Variants in WWOX observed in about 807,000 individuals in gnomAD.
WWOX encodes the protein WW domain containing oxidoreductase.
In WWOX, 69 loss-of-function variants were observed where a neutral mutation model predicts 46.2. The observed-to-expected ratio is 1.49, with a 90% CI of 1.23 to 1.82. The LOEUF is 1.82. Ranked by LOEUF, WWOX falls within the 40% of genes most tolerant of loss-of-function variation. The probability of loss-of-function intolerance (pLI) is 0.00; values close to 1 mark genes in which losing one functional copy is unlikely to be tolerated. For missense variants in WWOX, 919 were observed against 542.6 expected (o/e 1.69, Z -6.89); for synonymous variants, 359 against 202.6 (o/e 1.77, Z -6.56).
chr16:78,172,876 T>C (rs2035208816), intron 5 of WWOX, among the ~76,000 whole-genome samples: 1 of 152,240 alleles, frequency 6.6e-6, no homozygotes, highest in Non-Finnish European at 1.5e-5. Flanking sequence ...CGCCAATGGC[T>C]GAAAGGCCTG....
intron 8 of WWOX, among the ~76,000 whole-genome samples, chr16:78,618,843 C>T (rs369966733): frequency 1.3e-5 from 2 of 151,716 alleles, no homozygotes; most frequent in Non-Finnish European, 2.9e-5. Context: ...CACTCAGACC[C>T]AGCTGACAGG....
chr16:79,103,628 G>C (rs1042409313), intron 8 of WWOX, among the ~76,000 whole-genome samples: 1 of 152,212 alleles, frequency 6.6e-6, no homozygotes, highest in Middle Eastern at 3.4e-3. Context: ...TAATTTTTAA[G>C]ATCTTAACAA....
chr16:78,634,459 G>A (rs1040993387), intron 8 of WWOX, among the ~76,000 whole-genome samples: 10 of 152,142 alleles, frequency 6.6e-5, no homozygotes, highest in African/African-American at 2.2e-4. Context: ...TGTAATCCCA[G>A]CACTTTGGGA....
At chr16:78,254,241 C>T (rs1202921845) in intron 5 of WWOX, among the ~76,000 whole-genome samples, 1 of 151,542 alleles carries the variant, frequency 6.6e-6, no homozygotes, top group African/African-American at 2.4e-5. Flanking sequence ...TTTTTTGAAA[C>T]TATTTGTAGA....
intron 8 of WWOX, among the ~76,000 whole-genome samples, chr16:78,735,513 G>A (rs552735849): frequency 7.9e-5 from 12 of 152,152 alleles, no homozygotes; most frequent in African/African-American, 2.2e-4. Context: ...GACTTATGCC[G>A]ATGTTAACTC....
At chr16:79,195,348 A>G (rs377109243) in intron 8 of WWOX, among the ~76,000 whole-genome samples, 2 of 151,950 alleles carry the variant, frequency 1.3e-5, no homozygotes, top group Admixed American at 6.6e-5. Flanking sequence ...TCCCAAGGAA[A>G]CTCTGAAGCT....
At chr16:78,729,592 T>C (rs1387873870) in intron 8 of WWOX, among the ~76,000 whole-genome samples, 3 of 152,028 alleles carry the variant, frequency 2.0e-5, no homozygotes, top group African/African-American at 7.2e-5. Flanking sequence ...CTGGAAGAGA[T>C]ACTGGAAGAT....
intron 8 of WWOX, among the ~76,000 whole-genome samples, chr16:78,754,779 A>G (rs1294232752): frequency 6.6e-6 from 1 of 152,132 alleles, no homozygotes; most frequent in Non-Finnish European, 1.5e-5. Flanking sequence ...GACAGTGTGA[A>G]TGAGATGACC....
intron 3 of WWOX, among the ~76,000 whole-genome samples, chr16:78,111,247 C>G (rs1173498457): frequency 6.6e-6 from 1 of 151,932 alleles, no homozygotes; most frequent in African/African-American, 2.4e-5. Context: ...CAAACTGTTT[C>G]AGTATAATAA....
At chr16:79,040,274 G>GTTT (rs2047945434) in intron 8 of WWOX, among the ~76,000 whole-genome samples, 1 of 87,382 alleles carries the variant, frequency 1.1e-5, no homozygotes. Flanking sequence ...TTTCTGAGTT[G>GTTT]ATTTTTTTTT....
At chr16:78,319,186 C>T (rs1486223826) in intron 5 of WWOX, among the ~76,000 whole-genome samples, 1 of 152,074 alleles carries the variant, frequency 6.6e-6, no homozygotes, top group Non-Finnish European at 1.5e-5. Context: ...CGGGCATGAG[C>T]CACAGAAAGT....
At chr16:78,250,793 C>T (rs1013119964) in intron 5 of WWOX, among the ~76,000 whole-genome samples, 5 of 152,128 alleles carry the variant, frequency 3.3e-5, no homozygotes, top group Middle Eastern at 3.2e-3. Context: ...GTGGGCTGGG[C>T]AGGAAAACCA....
intron 8 of WWOX, among the ~76,000 whole-genome samples, chr16:78,857,018 A>G (rs1292667961): frequency 6.6e-6 from 1 of 152,202 alleles, no homozygotes; most frequent in Non-Finnish European, 1.5e-5. Flanking sequence ...AAGTATTTGC[A>G]TATACAAACA....
chr16:78,654,897 G>A (rs148731780), intron 8 of WWOX, among the ~76,000 whole-genome samples: 177 of 152,214 alleles, frequency 1.2e-3, no homozygotes, highest in African/African-American at 4.1e-3. Context: ...GGATGCATAT[G>A]TGTATGTGTG....
At chr16:79,188,496 A>G (rs1108207) in intron 8 of WWOX, among the ~76,000 whole-genome samples, 6,406 of 152,360 alleles carry the variant, frequency 0.042, 151 homozygotes, top group Non-Finnish European at 0.053. Context: ...TTCAGCACGC[A>G]TTGCCAGAGA....
At chr16:78,157,998 A>C (rs1222569024) in intron 4 of WWOX, among the ~76,000 whole-genome samples, 2 of 152,204 alleles carry the variant, frequency 1.3e-5, no homozygotes, top group Non-Finnish European at 2.9e-5. Context: ...CAGAAACGAT[A>C]ACTGAGTTTC....
chr16:78,402,359 T>A (rs572334949), intron 6 of WWOX, among the ~76,000 whole-genome samples: 3 of 152,246 alleles, frequency 2.0e-5, no homozygotes, highest in Non-Finnish European at 4.4e-5. Context: ...AGATGTGCCA[T>A]ATTTGTTTAT....
intron 4 of WWOX, among the ~76,000 whole-genome samples, chr16:78,152,226 T>C (rs1009455498): frequency 6.6e-6 from 1 of 152,180 alleles, no homozygotes; most frequent in Admixed American, 6.5e-5. Flanking sequence ...ATGGAAATGT[T>C]TCCTTGCATC....
intron 8 of WWOX, among the ~76,000 whole-genome samples, chr16:78,946,380 G>A (rs578167694): frequency 2.0e-4 from 30 of 152,044 alleles, no homozygotes; most frequent in African/African-American, 6.5e-4. Flanking sequence ...TAGTAGAGAC[G>A]GGGTTTCACC....
Sources: allele counts gnomAD v4.1 joint callset (sites outside exome capture counted in the v4.1 genomes callset), GRCh38; gene constraint gnomAD v4.1.1; transcripts MANE v1.5; gene names NCBI Gene and HGNC (gene_info 2026-07-23, HGNC 2026-07-21).